Variants in GNPTAB observed in about 807,000 individuals in gnomAD.
GNPTAB encodes the protein N-acetylglucosamine-1-phosphotransferase subunits alpha/beta.
Under a neutral mutation model 136.6 loss-of-function variants are expected in GNPTAB, and 92 were observed. The ratio of observed to expected loss-of-function variants is 0.67; its 90% CI spans 0.57 to 0.80. GNPTAB has a LOEUF of 0.80. Among genes scored for constraint, GNPTAB ranks in the 30% least tolerant of loss-of-function variants. The pLI, the probability that GNPTAB is intolerant of heterozygous loss-of-function variation, is 0.00. For missense variants in GNPTAB, 1,343 were observed against 1,501.8 expected (o/e 0.89, Z 1.75); for synonymous variants, 512 against 535.1 (o/e 0.96, Z 0.60).
At chr12:101,795,750 C>G (rs546827084) in intron 2 of GNPTAB, 3 of 148,724 alleles carry the variant, frequency 2.0e-5, no homozygotes, top group African/African-American at 7.4e-5. Context: ...AACTCTGTCT[C>G]CAAAAAAAAA....
At chr12:101,822,960 A>G (rs1566102341) in intron 1 of GNPTAB, among the ~76,000 whole-genome samples, 1 of 152,208 alleles carries the variant, frequency 6.6e-6, no homozygotes. Flanking sequence ...CCCCTACATA[A>G]CAAATATTTG....
rs1388375540 is a variant in GNPTAB at position 101,791,401 on chromosome 12, GAGA to G, written c.204-1347_204-1345del. Reference sequence around the variant, plus strand: ...TTTTGGCTTCCCTGGGCCACAGTGGGAGAAGAATTGTCTTGGGCCACACATAAA... The same window carrying G: ...TTTTGGCTTCCCTGGGCCACAGTGGGAGAATTGTCTTGGGCCACACATAAA... On this transcript the variant is annotated intron_variant, in intron 2 of 20. Coordinates refer to ENST00000299314, the MANE Select transcript of GNPTAB (RefSeq NM_024312.5). 5.3e-5 allele frequency among the ~76,000 whole-genome samples: 8 copies of G among 150,052 alleles called. No homozygotes were observed. The East Asian group carries it at 1.2e-3, about 22-fold the overall frequency.
chr12:101,796,775 AAAAG>A lies in GNPTAB; in HGVS notation c.118-17_118-14del. 6.4e-7 allele frequency: 1 copy of A among 1,570,614 alleles called. No homozygotes were observed. ...ATTCCAGAACCACCTAGAACAAAGAAAAAGAAACGTTTTCTTCGCATCAAAGACT... is the reference window on the plus strand; with the variant it reads ...ATTCCAGAACCACCTAGAACAAAGAAAAACGTTTTCTTCGCATCAAAGACT... On this transcript the variant is annotated splice_polypyrimidine_tract_variant and intron_variant, in intron 1 of 20. Coordinates refer to ENST00000299314, the MANE Select transcript of GNPTAB (RefSeq NM_024312.5).
intron 1 of GNPTAB, among the ~76,000 whole-genome samples, chr12:101,806,854 A>G (rs574257646): frequency 1.3e-5 from 2 of 150,262 alleles, no homozygotes; most frequent in African/African-American, 4.9e-5. Flanking sequence ...ACACTTAAGG[A>G]AAAAAAAAAT....
In GNPTAB at chr12:101,765,252, A is replaced by G; in HGVS notation, c.1665T>C (p.Tyr555=). Reference sequence around the variant, plus strand: ...GCAGGCATTCACCTTTTGGAATAATATAGTGAGTCTGGTTTGGGAGAAGGA... The same window carrying G: ...GCAGGCATTCACCTTTTGGAATAATGTAGTGAGTCTGGTTTGGGAGAAGGA... ...KVILLPNQTH[Y]IIPKGECLPY... is the part of the protein sequence containing the mutation. Residue 555 remains tyrosine, a synonymous_variant, in exon 13 of 21, where the codon TAT becomes TAC. Coordinates refer to ENST00000299314, the MANE Select transcript of GNPTAB (RefSeq NM_024312.5). 1.2e-6 allele frequency: 2 copies of G among 1,614,020 alleles called. No homozygotes were observed. Among genetic ancestry groups the G allele is most frequent in the Non-Finnish European group, 1.7e-6 (2 of 1,179,876 alleles).
intron 7 of GNPTAB, 200 bp downstream of exon 7, chr12:101,779,952 A>G (rs1392178035): frequency 2.6e-5 from 16 of 617,622 alleles, no homozygotes; most frequent in Non-Finnish European, 4.3e-5. Context: ...TCTATCCAGG[A>G]AACAAGCAAA....
intron 4 of GNPTAB, among the ~76,000 whole-genome samples, chr12:101,787,857 G>A (rs1488805814): frequency 6.8e-6 from 1 of 146,366 alleles, no homozygotes; most frequent in Non-Finnish European, 1.5e-5. Context: ...AGGTTGCGGT[G>A]AGCCGAGATC....
intron 1 of GNPTAB, among the ~76,000 whole-genome samples, chr12:101,807,021 G>A (rs756679345): frequency 6.6e-6 from 1 of 152,034 alleles, no homozygotes; most frequent in Non-Finnish European, 1.5e-5. Context: ...ACACAGATGC[G>A]AAAACCCTCA....
At chr12:101,824,506 G>T (rs536254142) in intron 1 of GNPTAB, among the ~76,000 whole-genome samples, 1 of 133,580 alleles carries the variant, frequency 7.5e-6, no homozygotes, top group Non-Finnish European at 1.5e-5. Flanking sequence ...TCACTCTGTC[G>T]CCCAAGCTGG....
At chr12:101,818,159 G>A (rs183716264) in intron 1 of GNPTAB, among the ~76,000 whole-genome samples, 1 of 151,998 alleles carries the variant, frequency 6.6e-6, no homozygotes, top group Admixed American at 6.6e-5. Flanking sequence ...TACACCAATG[G>A]CATCTTTTCC....
chr12:101,826,411 T>C (rs2137192643), intron 1 of GNPTAB, among the ~76,000 whole-genome samples: 1 of 152,320 alleles, frequency 6.6e-6, no homozygotes, highest in Middle Eastern at 3.4e-3. Flanking sequence ...CCTCTATTAG[T>C]AATCCTGAAA....
At chr12:101,801,123 C>A (rs991635654) in intron 1 of GNPTAB, among the ~76,000 whole-genome samples, 1 of 149,250 alleles carries the variant, frequency 6.7e-6, no homozygotes, top group Non-Finnish European at 1.5e-5. Flanking sequence ...GACCCAGCTA[C>A]TCAGAGGCTG....
Position 101,770,493 on chromosome 12 carries a change from C to A in GNPTAB, c.1026G>T (p.Trp342Cys). 6.2e-7 allele frequency: 1 copy of A among 1,613,502 alleles called. No individual in the cohort carries two copies. Among genetic ancestry groups the A allele is most frequent in the Non-Finnish European group, 8.5e-7 (1 of 1,179,430 alleles). Reference protein sequence around the residue: ...SLRSIERHAPWVRNIFIVTNG... With the variant: ...SLRSIERHAPCVRNIFIVTNG... ...TGGTGACAATGAAAATATTCCGAACCCATGGTGCATGCCTCTCGATAGATC... is the reference window on the plus strand; with the variant it reads ...TGGTGACAATGAAAATATTCCGAACACATGGTGCATGCCTCTCGATAGATC... The change falls in exon 9 of 21, where the codon TGG becomes TGT. Residue 342 changes from tryptophan to cysteine, a missense_variant. Trp to Cys is a radical substitution (Grantham distance 215). Coordinates refer to ENST00000299314, the MANE Select transcript of GNPTAB (RefSeq NM_024312.5).
At chr12:101,788,038 G>A (rs73163790) in intron 4 of GNPTAB, among the ~76,000 whole-genome samples, 13,416 of 152,092 alleles carry the variant, frequency 0.088, 659 homozygotes, top group Middle Eastern at 0.18. Context: ...GCTTGTCAGT[G>A]AGACAGTCTT....
Position 101,749,200 on chromosome 12 carries a change from A to C in GNPTAB, c.3603-9T>G, listed in dbSNP as rs374865590. On this transcript the variant is annotated splice_polypyrimidine_tract_variant and intron_variant, in intron 19 of 20. Coordinates refer to ENST00000299314, the MANE Select transcript of GNPTAB (RefSeq NM_024312.5). ...TGTCTCGATAAGCCCTCCTGTGCAGAGAGAAGAAAGCAACTATGTACTTCT... is the reference window on the plus strand; with the variant it reads ...TGTCTCGATAAGCCCTCCTGTGCAGCGAGAAGAAAGCAACTATGTACTTCT... 1.7e-5 allele frequency: 27 copies of C among 1,543,626 alleles called. No homozygotes were observed. The African/African-American group carries it at 2.9e-4, about 16-fold the overall frequency.
chr12:101,784,944 G>C (rs1220275189), intron 5 of GNPTAB, among the ~76,000 whole-genome samples: 1 of 152,184 alleles, frequency 6.6e-6, no homozygotes, highest in African/African-American at 2.4e-5. Context: ...GCAGGTTATG[G>C]GCTCAGCAGT....
At chr12:101,782,320 A>G (rs868337687) in intron 5 of GNPTAB, among the ~76,000 whole-genome samples, 1 of 152,200 alleles carries the variant, frequency 6.6e-6, no homozygotes, top group South Asian at 2.1e-4. Flanking sequence ...TTTTAAAAAG[A>G]TAAGTTTTAC....
Position 101,754,911 on chromosome 12 carries a change from T to A in GNPTAB, c.3435-1372A>T, listed in dbSNP as rs140594004. On this transcript the variant is annotated intron_variant, in intron 18 of 20. Coordinates refer to ENST00000299314, the MANE Select transcript of GNPTAB (RefSeq NM_024312.5). The stretch of plus-strand genomic sequence containing the variant: ...TTTATTCATATACACATGCAAAAAA[T>A]TATACGGTTAAAAAAAGAGAGATGG... Among the ~76,000 whole-genome samples, 155 of 151,984 alleles carry A rather than the reference T, an allele frequency of 1.0e-3. 1 individual carries two copies. The highest frequency in any genetic ancestry group is 3.6e-3 in the African/African-American group (150 of 41,430).
At chr12:101,811,183 A>C (rs1456773644) in intron 1 of GNPTAB, among the ~76,000 whole-genome samples, 1 of 152,162 alleles carries the variant, frequency 6.6e-6, no homozygotes, top group Non-Finnish European at 1.5e-5. Context: ...CTGTAAATCA[A>C]GGACTGGAAA....
Sources: allele counts gnomAD v4.1 joint callset (sites outside exome capture counted in the v4.1 genomes callset), GRCh38; gene constraint gnomAD v4.1.1; transcripts MANE v1.5; gene names NCBI Gene and HGNC (gene_info 2026-07-23, HGNC 2026-07-21).